The following ARHGEF3 variants were observed in gnomAD, a reference collection of about 807,000 sequenced individuals.
ARHGEF3 encodes 59.8 kDA protein.
Under a neutral mutation model 63.2 loss-of-function variants are expected in ARHGEF3, and 28 were observed. The observed-to-expected ratio is 0.44, with a 90% CI of 0.33 to 0.61. The LOEUF (loss-of-function observed/expected upper bound fraction) is 0.61, where lower values mean the gene tolerates loss of function less well. ARHGEF3 is among the 20% of genes least tolerant of loss of function. The pLI is 0.03. For missense variants in ARHGEF3, 533 were observed against 659.3 expected, an observed-to-expected ratio of 0.81 and a Z score of 2.10; for synonymous variants, 266 against 254.2, an observed-to-expected ratio of 1.05 and a Z score of -0.44.
At chr3:56,829,141 G>A (rs886710811) in intron 4 of ARHGEF3, among the ~76,000 whole-genome samples, 1 of 152,064 alleles carries the variant, frequency 6.6e-6, no homozygotes, top group African/African-American at 2.4e-5. Flanking sequence ...GGCCAGGCTG[G>A]TCTCAAACTC....
intron 3 of ARHGEF3, among the ~76,000 whole-genome samples, chr3:56,944,696 C>T (rs1051766937): frequency 2.0e-5 from 3 of 151,048 alleles, no homozygotes; most frequent in African/African-American, 7.3e-5. Flanking sequence ...CCTGCCTCAG[C>T]CTCCCAAGTA....
intron 1 of ARHGEF3, among the ~76,000 whole-genome samples, chr3:56,782,189 G>A (rs192860673): frequency 4.6e-5 from 7 of 151,952 alleles, no homozygotes; most frequent in Admixed American, 3.3e-4. Flanking sequence ...TTTTTCCCCT[G>A]GCACAGAGCT....
chr3:56,850,326 C>T (rs866320291), intron 4 of ARHGEF3, among the ~76,000 whole-genome samples: 8 of 152,194 alleles, frequency 5.3e-5, no homozygotes, highest in African/African-American at 9.7e-5. Context: ...GTCAGGGTTT[C>T]GAGACCAGCC....
chr3:56,934,785 G>A (rs977086258), intron 3 of ARHGEF3, among the ~76,000 whole-genome samples: 5 of 152,130 alleles, frequency 3.3e-5, no homozygotes, highest in Non-Finnish European at 2.9e-5. Flanking sequence ...CAGCCTCCCC[G>A]ACGAGCGCCA....
intron 2 of ARHGEF3, among the ~76,000 whole-genome samples, chr3:56,765,459 T>G (rs1405061664): frequency 6.6e-6 from 1 of 152,166 alleles, no homozygotes; most frequent in Non-Finnish European, 1.5e-5. Flanking sequence ...CATCTCCATG[T>G]CAGCCAAATA....
intron 4 of ARHGEF3, among the ~76,000 whole-genome samples, chr3:56,881,461 C>G (rs951939879): frequency 4.6e-5 from 7 of 152,150 alleles, no homozygotes; most frequent in Non-Finnish European, 1.0e-4. Flanking sequence ...ATGAGGGCAT[C>G]AGAGGCCAAG....
At chr3:57,048,846 C>A (rs185967354) in intron 1 of ARHGEF3, among the ~76,000 whole-genome samples, 1 of 152,324 alleles carries the variant, frequency 6.6e-6, no homozygotes. Context: ...AGAAACCCCA[C>A]CTGGTGACCT....
chr3:56,775,630 G>A (rs1026075134), intron 1 of ARHGEF3: 16 of 985,612 alleles, frequency 1.6e-5, no homozygotes, highest in Non-Finnish European at 1.8e-5. Context: ...TTTAAGTGCT[G>A]AAGGGAAAGA....
chr3:56,979,824 T>C (rs1331195408), intron 2 of ARHGEF3, among the ~76,000 whole-genome samples: 1 of 152,252 alleles, frequency 6.6e-6, no homozygotes, highest in Non-Finnish European at 1.5e-5. Flanking sequence ...TTGGTTGTTA[T>C]GAGAGTTAAA....
chr3:57,016,850 T>C (rs191202679), intron 2 of ARHGEF3, among the ~76,000 whole-genome samples: 5 of 152,110 alleles, frequency 3.3e-5, no homozygotes, highest in African/African-American at 1.2e-4. Context: ...GCGGTTATGA[T>C]AAGCAGGTGT....
chr3:56,887,181 T>A (rs2040951503), intron 3 of ARHGEF3, among the ~76,000 whole-genome samples: 1 of 152,166 alleles, frequency 6.6e-6, no homozygotes, highest in Admixed American at 6.5e-5. Context: ...CCATCCAGAA[T>A]GTCTGGTAGT....
chr3:57,052,450 C>A (rs13084830), intron 1 of ARHGEF3, among the ~76,000 whole-genome samples: 11,854 of 152,192 alleles, frequency 0.078, 602 homozygotes, highest in Non-Finnish European at 0.097. Context: ...GCAACCACCA[C>A]CATGCCCGGC....
intron 3 of ARHGEF3, among the ~76,000 whole-genome samples, chr3:56,938,415 T>C (rs1699008161): frequency 6.6e-6 from 1 of 152,222 alleles, no homozygotes; most frequent in South Asian, 2.1e-4. Flanking sequence ...CTTATTCATC[T>C]TCGATAATAG....
At chr3:56,745,953 G>A (rs1042934636) in intron 6 of ARHGEF3, among the ~76,000 whole-genome samples, 38 of 152,236 alleles carry the variant, frequency 2.5e-4, no homozygotes, top group African/African-American at 8.0e-4. Context: ...TTACAGGCGT[G>A]AGCCTGTACA....
chr3:56,732,153 T>A, intron 9 of ARHGEF3, 85 bp downstream of exon 9: 2 of 1,521,654 alleles, frequency 1.3e-6, no homozygotes, highest in African/African-American at 2.7e-5. Context: ...AGACCGTGGC[T>A]TTTCTCTTTC....
At chr3:57,023,386 T>A (rs1421656050) in intron 2 of ARHGEF3, among the ~76,000 whole-genome samples, 1 of 152,190 alleles carries the variant, frequency 6.6e-6, no homozygotes, top group African/African-American at 2.4e-5. Flanking sequence ...CCATCATCTC[T>A]CTCCTGGATG....
intron 3 of ARHGEF3, among the ~76,000 whole-genome samples, chr3:56,942,394 T>C (rs914911824): frequency 1.1e-4 from 16 of 152,234 alleles, no homozygotes; most frequent in African/African-American, 3.9e-4. Context: ...TGACCAGTCA[T>C]CTTTGATGTT....
chr3:56,751,048 T>G lies in ARHGEF3; in HGVS notation c.612+8A>C, dbSNP rs2034710905. The G allele has an allele frequency of 6.2e-7, 1 of 1,609,670 alleles. No homozygotes were observed. The highest frequency in any genetic ancestry group is 1.3e-5 in the African/African-American group (1 of 74,838). ...TTATCTTCAATAAAGACCAGAGAAC[T>G]TTCTTACCCAGCCCACGAGGATGGG... On this transcript the variant is annotated splice_region_variant and intron_variant, in intron 6 of 9. Coordinates refer to ENST00000296315, the MANE Select transcript of ARHGEF3 (RefSeq NM_019555.3).
rs576425575 is a variant in ARHGEF3 at position 56,940,761 on chromosome 3, C to T, written c.129+18062G>A. 3.0e-4 allele frequency: 45 copies of T among 152,196 alleles called. 1 individual carries two copies. Among genetic ancestry groups the T allele is most frequent in the Admixed American group, 2.6e-3 (40 of 15,298 alleles). 9.4% of individuals were successfully genotyped at this position (152,196 alleles called of 1,614,324 possible). ...ACAGTCATCTCAGGAATAAAGGAAC[C>T]CTAGTTATATGGAGCTAATATTTTC... On this transcript the variant is annotated intron_variant, in intron 3 of 12. Coordinates refer to the ARHGEF3 transcript ENST00000338458.
Sources: gnomAD v4.1 joint callset for allele counts (sites outside exome capture counted in the v4.1 genomes callset) on GRCh38, gnomAD v4.1.1 for gene constraint, MANE v1.5 for transcripts, NCBI Gene and HGNC (gene_info 2026-07-23, HGNC 2026-07-21) for gene names.